The following KAT2B variants were observed in gnomAD, a reference collection of about 807,000 sequenced individuals.
KAT2B encodes lysine acetyltransferase 2B, also known as histone acetyltransferase KAT2B.
Under a neutral mutation model 105.9 loss-of-function variants are expected in KAT2B, and 36 were observed. The ratio of observed to expected loss-of-function variants is 0.34; its 90% CI spans 0.26 to 0.45. The LOEUF (loss-of-function observed/expected upper bound fraction) is 0.45, where lower values mean the gene tolerates loss of function less well. Ranked by LOEUF, KAT2B falls within the 20% of genes least tolerant of loss-of-function variation. The pLI is 1.00. For synonymous variants in KAT2B, 397 were observed against 377.9 expected, an observed-to-expected ratio of 1.05 and a Z score of -0.59; for missense variants, 820 against 1,021.6, an observed-to-expected ratio of 0.80 and a Z score of 2.69.
rs2125178730 is a variant in KAT2B, at chr3:20,126,008, A to C, written c.1517A>C (p.Lys506Thr). The change falls in exon 10 of 18, where the codon AAA (lysine) becomes ACA (threonine). Residue 506 changes from lysine (K) to threonine (T), a missense_variant. This residue lies in a region of KAT2B where 225 missense variants were observed against 268.1 expected (regional missense o/e 0.84). Transcript: ENST00000263754. Reference sequence around the variant, plus strand: ...GTGGTTGGCAATTCCCTCAACCAGAAACCAAACAAGAAGATCCTGATGTGG... The same window carrying C: ...GTGGTTGGCAATTCCCTCAACCAGACACCAAACAAGAAGATCCTGATGTGG... ...FHVVGNSLNQ[K>T]PNKKILMWLV... 6.2e-7 allele frequency: 1 copy of C among 1,614,150 alleles called. No individual in the cohort carries two copies. The highest frequency in any genetic ancestry group is 2.2e-5 in the East Asian group (1 of 44,876).
intron 2 of KAT2B, among the ~76,000 whole-genome samples, chr3:20,080,447 G>A (rs541306874): frequency 6.6e-6 from 1 of 152,252 alleles, no homozygotes; most frequent in African/African-American, 2.4e-5. Flanking sequence ...GGCCTTCTTA[G>A]AGCTCTGTGG....
chr3:20,082,519 T>A (rs1698538405), intron 2 of KAT2B, among the ~76,000 whole-genome samples: 1 of 152,238 alleles, frequency 6.6e-6, no homozygotes, highest in Non-Finnish European at 1.5e-5. Flanking sequence ...TTAGTTGTCA[T>A]GTCTCTTTAG....
chr3:20,105,199 A>T (rs970127189), intron 5 of KAT2B, among the ~76,000 whole-genome samples: 1 of 152,146 alleles, frequency 6.6e-6, no homozygotes, highest in African/African-American at 2.4e-5. Context: ...ATATTGTTAC[A>T]TAAGTGTATG....
Position 20,125,929 on chromosome 3 carries a change from G to T in KAT2B, c.1438G>T (p.Ala480Ser). The change falls in exon 10 of 18, where the codon GCC becomes TCC. Residue 480 changes from alanine (A) to serine (S), a missense_variant. By Grantham distance (99) the Ala-to-Ser change is moderately conservative. Around this residue, in one of 6 missense-constraint regions of KAT2B, gnomAD observed 225 missense variants for 268.1 expected, o/e 0.84. Coordinates refer to ENST00000263754, the MANE Select transcript of KAT2B (RefSeq NM_003884.5). ...GACCAATTTTCTGTCAGCACACTCG[G>T]CCAGGGATGAGGCGGCAAGGTTGGA... ...PETNFLSAHS[A>S]RDEAARLEER... The T allele has an allele frequency of 6.2e-7, 1 of 1,613,854 alleles. No individual in the cohort carries two copies. Among genetic ancestry groups the T allele is most frequent in the Non-Finnish European group, 8.5e-7 (1 of 1,179,986 alleles).
In KAT2B at chr3:20,040,820, G is replaced by A. The variant is rs540128886; in HGVS notation, c.303+40G>A. 539 of 1,538,960 alleles carry A rather than the reference G, an allele frequency of 3.5e-4. 3 individuals carry two copies. The South Asian group carries it at 5.9e-3, about 17-fold the overall frequency. ...CTCTCGGACCGCGGATGGGTGCTAG[G>A]GGCCCAGCCCGCGGGACCCCCCTCC... is the stretch of plus-strand genomic sequence containing the variant. On this transcript the variant is annotated intron_variant, in intron 1 of 17. Coordinates refer to ENST00000263754, the MANE Select transcript of KAT2B (RefSeq NM_003884.5).
intron 1 of KAT2B, among the ~76,000 whole-genome samples, chr3:20,062,905 C>T (rs1698162683): frequency 6.6e-6 from 1 of 151,940 alleles, no homozygotes; most frequent in Non-Finnish European, 1.5e-5. Flanking sequence ...TGTAGGCATT[C>T]TTTATATATT....
intron 1 of KAT2B, among the ~76,000 whole-genome samples, chr3:20,045,298 G>T (rs9852074): frequency 0.24 from 36,414 of 151,320 alleles, 4,746 homozygotes; most frequent in African/African-American, 0.33. Context: ...GATTACAGGT[G>T]TGAGCCACTG....
rs534628169 is a variant in KAT2B, at chr3:20,153,859, A to G, written c.*1334A>G. 1 of 152,642 alleles carries G rather than the reference A, an allele frequency of 6.6e-6. No individual in the cohort carries two copies. The highest frequency in any genetic ancestry group is 2.4e-5 in the African/African-American group (1 of 41,590). 9.5% of individuals were successfully genotyped at this position (152,642 alleles called of 1,614,324 possible). ...GATGTTTTCTATCAGCATAAATAAA[A>G]TGGTCATGAATAGTCATTAAAAACA... On this transcript the variant is annotated 3_prime_UTR_variant, in exon 18 of 18. Transcript: ENST00000263754.
intron 4 of KAT2B, 150 bp downstream of exon 4, chr3:20,100,104 A>G (rs1698883713): frequency 3.5e-6 from 2 of 578,636 alleles, no homozygotes; most frequent in Non-Finnish European, 6.3e-6. Flanking sequence ...GAGGCTTTGG[A>G]TCAGAGGTGT....
chr3:20,058,285 C>T (rs545854521), intron 1 of KAT2B, among the ~76,000 whole-genome samples: 2 of 151,842 alleles, frequency 1.3e-5, no homozygotes, highest in East Asian at 3.9e-4. Context: ...TGGTGAAACC[C>T]CGTCTCTATT....
chr3:20,106,997 ATATATATATATATATATATTTTTTTT>A (rs1699024962), intron 5 of KAT2B, among the ~76,000 whole-genome samples: 1 of 17,582 alleles, frequency 5.7e-5, no homozygotes, highest in Non-Finnish European at 9.0e-5. Context: ...ATATATATAT[ATATATATATATATATATATTTTTTTT>A]TTTTTTTTTT....
chr3:20,121,726 ATGCATATGTGTGTGTG>A (rs1296139935), intron 8 of KAT2B, among the ~76,000 whole-genome samples: 1 of 121,092 alleles, frequency 8.3e-6, no homozygotes, highest in African/African-American at 3.2e-5. Context: ...ACATACACAT[ATGCATATGTGTGTGTG>A]TGTGTGTGTG....
At chr3:20,062,303 AATATAAT>A (rs1698146250) in intron 1 of KAT2B, among the ~76,000 whole-genome samples, 1 of 46,306 alleles carries the variant, frequency 2.2e-5, no homozygotes, top group African/African-American at 5.5e-5. Context: ...TAATATATAA[AATATAAT>A]ATATATAAAA....
At chr3:20,146,475 C>T (rs201018750) in intron 14 of KAT2B, 45 bp downstream of exon 14, 48 of 1,094,228 alleles carry the variant, frequency 4.4e-5, no homozygotes, top group African/African-American at 2.2e-4. Flanking sequence ...TTAGTAATGC[C>T]GTGGTTTGTG....
chr3:20,134,033 C>T (rs1039578073), intron 11 of KAT2B, among the ~76,000 whole-genome samples: 1 of 149,222 alleles, frequency 6.7e-6, no homozygotes, highest in Non-Finnish European at 1.5e-5. Flanking sequence ...TACACCCCCC[C>T]TCACTTGTCA....
At chr3:20,115,363 C>CAGAT (rs923452754) in intron 7 of KAT2B, among the ~76,000 whole-genome samples, 3 of 152,178 alleles carry the variant, frequency 2.0e-5, no homozygotes, top group African/African-American at 7.2e-5. Flanking sequence ...GGAAGGAAGA[C>CAGAT]AGATGCCTTC....
At chr3:20,071,342 A>G (rs976737123) in intron 1 of KAT2B, among the ~76,000 whole-genome samples, 3 of 152,214 alleles carry the variant, frequency 2.0e-5, no homozygotes, top group Admixed American at 6.5e-5. Context: ...TTATTCTAAC[A>G]ATGTATCTTC....
chr3:20,106,342 G>A (rs1699001908), intron 5 of KAT2B, among the ~76,000 whole-genome samples: 1 of 152,142 alleles, frequency 6.6e-6, no homozygotes, highest in Admixed American at 6.5e-5. Context: ...TTACTTCTTT[G>A]GAGGAATACA....
At chr3:20,080,080 C>A (rs1426505552) in intron 2 of KAT2B, among the ~76,000 whole-genome samples, 1 of 148,550 alleles carries the variant, frequency 6.7e-6, no homozygotes, top group Non-Finnish European at 1.5e-5. Flanking sequence ...TTCTGGAGTT[C>A]TTATTTCCAT....
Sources: allele counts gnomAD v4.1 joint callset (sites outside exome capture counted in the v4.1 genomes callset), GRCh38; gene constraint gnomAD v4.1.1; regional missense constraint gnomAD v4.1.1; transcripts MANE v1.5; gene names NCBI Gene and HGNC (gene_info 2026-07-23, HGNC 2026-07-21).